Variants in DIAPH2 observed in about 807,000 individuals in gnomAD.
The protein encoded by DIAPH2 is diaphanous related formin 2.
In DIAPH2, 35 loss-of-function variants were observed where a neutral mutation model predicts 92.7. That is an observed-to-expected ratio of 0.38 (90% CI 0.29 to 0.50). DIAPH2 has a LOEUF of 0.50. DIAPH2 is among the 20% of genes least tolerant of loss of function. The pLI, the probability that DIAPH2 is intolerant of heterozygous loss-of-function variation, is 0.94. For synonymous variants in DIAPH2, 301 were observed against 280.4 expected (o/e 1.07, Z -0.73); for missense variants, 701 against 819.5 (o/e 0.86, Z 1.77).
chrX:97,462,378 C>T (rs929084954), intron 26 of DIAPH2, among the ~76,000 whole-genome samples: 1 of 111,825 alleles, frequency 8.9e-6, no homozygotes, highest in Non-Finnish European at 1.9e-5. Context: ...TCATTCAGTT[C>T]AATGGGTTTT....
intron 26 of DIAPH2, among the ~76,000 whole-genome samples, chrX:97,578,093 C>CTTTT (rs201313921): frequency 1.1e-5 from 1 of 90,827 alleles, no homozygotes; most frequent in Admixed American, 1.2e-4. Flanking sequence ...TGTTTTCTTT[C>CTTTT]TTTTTTTTTT....
intron 23 of DIAPH2, among the ~76,000 whole-genome samples, chrX:97,324,226 ACT>A (rs1476247935): frequency 8.9e-6 from 1 of 111,981 alleles, no homozygotes; most frequent in Non-Finnish European, 1.9e-5. Context: ...GGAGTGCCTT[ACT>A]TACTCCTATA....
chrX:96,817,069 A>G (rs1019869774), intron 4 of DIAPH2, among the ~76,000 whole-genome samples: 10 of 111,951 alleles, frequency 8.9e-5, no homozygotes, highest in Admixed American at 8.5e-4. Context: ...GATGATTATC[A>G]GTGGCTGGGA....
intron 4 of DIAPH2, among the ~76,000 whole-genome samples, chrX:96,813,650 A>G (rs905974503): frequency 1.7e-4 from 19 of 111,747 alleles, no homozygotes; most frequent in African/African-American, 5.5e-4. Context: ...ATGTTTTTGC[A>G]GTGGCTGGTA....
chrX:96,802,007 T>C (rs2064586181), intron 4 of DIAPH2, among the ~76,000 whole-genome samples: 1 of 112,172 alleles, frequency 8.9e-6, no homozygotes, highest in Non-Finnish European at 1.9e-5. Flanking sequence ...AGAACAATAC[T>C]GTCTCTTCCC....
chrX:96,809,908 A>G (rs2064662512), intron 4 of DIAPH2, among the ~76,000 whole-genome samples: 1 of 112,234 alleles, frequency 8.9e-6, no homozygotes, highest in South Asian at 3.7e-4. Context: ...TTCTTAATCC[A>G]ATCTATCACA....
At chrX:97,346,351 C>T (rs957364386) in intron 23 of DIAPH2, among the ~76,000 whole-genome samples, 12 of 110,409 alleles carry the variant, frequency 1.1e-4, no homozygotes, top group East Asian at 5.7e-4. Context: ...ACCTCTCTCT[C>T]CTTCTCCTCC....
In DIAPH2 at chrX:96,916,426, T is replaced by A. The variant is rs779842792; in HGVS notation, c.733-12T>A. ...GACATTCTGAATGAAGGTTTTTTTTTTTTTTTTTTAGTTTGGATTACAAAG... is the reference window on the plus strand; with the variant it reads ...GACATTCTGAATGAAGGTTTTTTTTATTTTTTTTTAGTTTGGATTACAAAG... On this transcript the variant is annotated splice_polypyrimidine_tract_variant and intron_variant, in intron 7 of 26. Coordinates refer to ENST00000324765, the MANE Select transcript of DIAPH2 (RefSeq NM_006729.5). The A allele has an allele frequency of 9.1e-7, 1 of 1,094,400 alleles. No individual in the cohort carries two copies. The allele number at this position is 1,094,400 out of a possible 1,213,427, so 90.2% of individuals were successfully genotyped here.
chrX:97,153,028 T>A (rs1250715287), intron 22 of DIAPH2, among the ~76,000 whole-genome samples: 2 of 111,943 alleles, frequency 1.8e-5, no homozygotes, highest in African/African-American at 6.5e-5. Context: ...TACCAGCTAC[T>A]TTTTTGGACA....
At chrX:97,509,735 A>G (rs1311361995) in intron 26 of DIAPH2, among the ~76,000 whole-genome samples, 1 of 103,460 alleles carries the variant, frequency 9.7e-6, no homozygotes, top group Admixed American at 1.1e-4. Flanking sequence ...TTCAATTCCC[A>G]TCTATGAGTG....
intron 19 of DIAPH2, among the ~76,000 whole-genome samples, chrX:97,096,703 G>C (rs933255775): frequency 2.7e-5 from 3 of 111,294 alleles, no homozygotes; most frequent in Non-Finnish European, 5.6e-5. Context: ...TACTTGATTA[G>C]AGGAGTACCA....
intron 19 of DIAPH2, 148 bp from the exon 20 acceptor site, chrX:97,099,546 G>A (rs2066892451): frequency 3.1e-6 from 1 of 323,602 alleles, no homozygotes; most frequent in South Asian, 1.3e-4. Flanking sequence ...AAATTTTGGA[G>A]GGGCGGGGAA....
intron 26 of DIAPH2, among the ~76,000 whole-genome samples, chrX:97,567,630 G>T (rs1423344692): frequency 9.0e-6 from 1 of 111,729 alleles, no homozygotes. Flanking sequence ...CTAAGCATCA[G>T]TTCAGCAGGC....
intron 26 of DIAPH2, among the ~76,000 whole-genome samples, chrX:97,587,413 T>C (rs1252034230): frequency 9.0e-6 from 1 of 111,550 alleles, no homozygotes; most frequent in African/African-American, 3.3e-5. Flanking sequence ...AGCGAAGTAA[T>C]AGAAAGCAGT....
At chrX:97,291,984 A>G (rs1275527806) in intron 23 of DIAPH2, among the ~76,000 whole-genome samples, 3 of 111,734 alleles carry the variant, frequency 2.7e-5, no homozygotes, top group Non-Finnish European at 5.6e-5. Context: ...TGATGTATAC[A>G]GGATTTGAAT....
intron 23 of DIAPH2, among the ~76,000 whole-genome samples, chrX:97,298,271 A>C (rs959632580): frequency 9.8e-6 from 1 of 102,009 alleles, no homozygotes; most frequent in African/African-American, 3.6e-5. Flanking sequence ...TAGAACAGAC[A>C]CATGGATTGA....
chrX:96,713,570 A>G, intron 1 of DIAPH2, among the ~76,000 whole-genome samples: 2 of 111,968 alleles, frequency 1.8e-5, no homozygotes, highest in Non-Finnish European at 3.8e-5. Context: ...ACATAATGGC[A>G]TGGATTTACC....
At chrX:97,211,104 A>G (rs2067835970) in intron 22 of DIAPH2, among the ~76,000 whole-genome samples, 1 of 111,888 alleles carries the variant, frequency 8.9e-6, no homozygotes, top group South Asian at 3.7e-4. Context: ...ATACAAACTT[A>G]TACAGTCTTT....
intron 4 of DIAPH2, among the ~76,000 whole-genome samples, chrX:96,853,605 A>G (rs773583858): frequency 8.0e-4 from 89 of 111,416 alleles, no homozygotes; most frequent in African/African-American, 2.8e-3. Flanking sequence ...CTTTAAAGAT[A>G]CCTATACTGT....
Sources: allele counts gnomAD v4.1 joint callset (sites outside exome capture counted in the v4.1 genomes callset), GRCh38; gene constraint gnomAD v4.1.1; transcripts MANE v1.5; gene names NCBI Gene and HGNC (gene_info 2026-07-23, HGNC 2026-07-21).